Variants in CATSPERB observed in about 807,000 individuals in gnomAD.
CATSPERB encodes the protein cation channel sperm-associated auxiliary subunit beta.
In CATSPERB, 93 loss-of-function variants were observed where a neutral mutation model predicts 128.3. That is an observed-to-expected ratio of 0.72 (90% CI 0.61 to 0.86). The LOEUF is 0.86. Ranked by LOEUF, CATSPERB falls within the 40% of genes least tolerant of loss-of-function variation. The pLI is 0.00. For synonymous variants in CATSPERB, 381 were observed against 448.8 expected, an observed-to-expected ratio of 0.85 and a Z score of 1.91; for missense variants, 1,153 against 1,329.5, an observed-to-expected ratio of 0.87 and a Z score of 2.06.
chr14:91,614,124 G>T (rs1354128228), intron 20 of CATSPERB, among the ~76,000 whole-genome samples: 1 of 152,070 alleles, frequency 6.6e-6, no homozygotes, highest in Non-Finnish European at 1.5e-5. Context: ...TGAGGACCCC[G>T]CACCCCTCCT....
intron 7 of CATSPERB, among the ~76,000 whole-genome samples, chr14:91,693,702 A>C (rs1262862620): frequency 6.6e-6 from 1 of 152,342 alleles, no homozygotes; most frequent in Non-Finnish European, 1.5e-5. Flanking sequence ...TGCCCTTAAA[A>C]TCAACCCTCT....
intron 22 of CATSPERB, chr14:91,603,486 G>T: frequency 2.5e-6 from 3 of 1,202,792 alleles, no homozygotes; most frequent in Non-Finnish European, 3.7e-6. Context: ...AAGTCTTAAA[G>T]TGTGGGCAAA....
intron 18 of CATSPERB, among the ~76,000 whole-genome samples, chr14:91,623,439 A>G (rs1397468928): frequency 6.6e-6 from 1 of 151,862 alleles, no homozygotes; most frequent in African/African-American, 2.4e-5. Flanking sequence ...CCCTTCTATA[A>G]CACCACTCAT....
chr14:91,726,067 C>T (rs940013956), intron 2 of CATSPERB, among the ~76,000 whole-genome samples: 3 of 152,178 alleles, frequency 2.0e-5, no homozygotes, highest in Non-Finnish European at 4.4e-5. Context: ...CACCATCCCC[C>T]TTCTAGGTAG....
At chr14:91,620,661 G>T (rs1894025723) in intron 19 of CATSPERB, among the ~76,000 whole-genome samples, 1 of 152,108 alleles carries the variant, frequency 6.6e-6, no homozygotes, top group Non-Finnish European at 1.5e-5. Flanking sequence ...TCTACTTCAA[G>T]GTCTTTTTTT....
In CATSPERB at chr14:91,591,888, T is replaced by C; in HGVS notation, c.2820+4A>G. The C allele has an allele frequency of 6.3e-7, 1 of 1,598,078 alleles. No homozygotes were observed. Among genetic ancestry groups the C allele is most frequent in the South Asian group, 1.1e-5 (1 of 90,730 alleles). On this transcript the variant is annotated splice_donor_region_variant and intron_variant, in intron 23 of 26. Transcript: ENST00000256343. ...TGTATTCAGGTAATTAGAAATGATC[T>C]TACTTTTTCCCTGCAATCCGAGAAA...
intron 10 of CATSPERB, 38 bp from the exon 11 acceptor site, chr14:91,683,981 A>C: frequency 2.9e-6 from 4 of 1,393,594 alleles, no homozygotes; most frequent in Non-Finnish European, 4.0e-6. Context: ...GCCAATATGT[A>C]GACTTAAGAT....
At chr14:91,693,717 G>C (rs1417166356) in intron 7 of CATSPERB, among the ~76,000 whole-genome samples, 1 of 152,098 alleles carries the variant, frequency 6.6e-6, no homozygotes, top group African/African-American at 2.4e-5. Flanking sequence ...CCCTCTTAAG[G>C]TATTGGTTCA....
In CATSPERB at chr14:91,683,801, C is replaced by T; in HGVS notation, c.931+76G>A. The T allele has an allele frequency of 3.2e-6, 3 of 945,494 alleles. No homozygotes were observed. The East Asian group carries it at 7.9e-5, about 25-fold the overall frequency. The allele number at this position is 945,494 out of a possible 1,614,324, so 58.6% of individuals were successfully genotyped here. ...TTGGAATGGTCTTAAAAGACCATTC[C>T]AAAGGCTGAGCTTGCATTCAGTTAC... On this transcript the variant is annotated intron_variant, in intron 11 of 26. Coordinates refer to ENST00000256343, the MANE Select transcript of CATSPERB (RefSeq NM_024764.4).
chr14:91,610,889 G>C (rs1438393773), intron 20 of CATSPERB, among the ~76,000 whole-genome samples: 1 of 151,390 alleles, frequency 6.6e-6, no homozygotes, highest in African/African-American at 2.4e-5. Flanking sequence ...TATAAGAAGA[G>C]GAGATTAGGA....
chr14:91,678,104 C>A (rs1895221075), intron 11 of CATSPERB, among the ~76,000 whole-genome samples: 1 of 152,098 alleles, frequency 6.6e-6, no homozygotes, highest in Admixed American at 6.6e-5. Flanking sequence ...GGGGAGAGAG[C>A]ATTAGGACAA....
chr14:91,620,907 GTGT>G (rs1246583363), intron 19 of CATSPERB, among the ~76,000 whole-genome samples: 29 of 152,238 alleles, frequency 1.9e-4, no homozygotes, highest in African/African-American at 4.3e-4. Context: ...GTTCAAACTG[GTGT>G]TGTTCAAGGG....
intron 13 of CATSPERB, among the ~76,000 whole-genome samples, chr14:91,671,890 G>A (rs1441125719): frequency 1.3e-5 from 2 of 151,874 alleles, no homozygotes; most frequent in African/African-American, 4.8e-5. Context: ...ATGGTGGCGG[G>A]CGCCTGTAGT....
chr14:91,653,150 A>G (rs1451939860), intron 15 of CATSPERB, among the ~76,000 whole-genome samples: 3 of 152,222 alleles, frequency 2.0e-5, no homozygotes, highest in African/African-American at 7.2e-5. Context: ...CGTATCAGAG[A>G]CTGAAGATCA....
At chr14:91,674,874 C>T (rs1412090993) in intron 11 of CATSPERB, among the ~76,000 whole-genome samples, 2 of 152,304 alleles carry the variant, frequency 1.3e-5, no homozygotes, top group East Asian at 3.9e-4. Flanking sequence ...GACACACAGA[C>T]CTTGCACCCA....
intron 19 of CATSPERB, among the ~76,000 whole-genome samples, chr14:91,618,161 G>GCAA: frequency 1.3e-5 from 2 of 152,226 alleles, no homozygotes; most frequent in African/African-American, 4.8e-5. Context: ...TGTTGCCATG[G>GCAA]CATTTGTAAA....
At chr14:91,731,658 C>A (rs187939923) in intron 1 of CATSPERB, among the ~76,000 whole-genome samples, 96 of 152,294 alleles carry the variant, frequency 6.3e-4, no homozygotes, top group Middle Eastern at 3.4e-3. Context: ...TCATCACACT[C>A]CCCTACTGAC....
intron 22 of CATSPERB, chr14:91,605,341 G>GA (rs1893680655): frequency 7.2e-6 from 5 of 695,334 alleles, no homozygotes; most frequent in Non-Finnish European, 1.3e-5. Context: ...GGAAGAGGAG[G>GA]AAAAAATTTA....
chr14:91,700,160 T>C (rs7140163), intron 7 of CATSPERB, among the ~76,000 whole-genome samples: 72,860 of 151,794 alleles, frequency 0.48, 17,844 homozygotes, highest in East Asian at 0.62. Context: ...TCAACTTCCA[T>C]TTATGAGTGA....
Sources: gnomAD v4.1 joint callset for allele counts (sites outside exome capture counted in the v4.1 genomes callset) on GRCh38, gnomAD v4.1.1 for gene constraint, MANE v1.5 for transcripts, NCBI Gene and HGNC (gene_info 2026-07-23, HGNC 2026-07-21) for gene names.